Variants in PTPRM observed in about 807,000 individuals in gnomAD.
PTPRM encodes the protein receptor-type tyrosine-protein phosphatase mu.
Under a neutral mutation model 186.7 loss-of-function variants are expected in PTPRM, and 47 were observed. That is an observed-to-expected ratio of 0.25 (90% CI 0.20 to 0.32). The LOEUF (loss-of-function observed/expected upper bound fraction) is 0.32, where lower values mean the gene tolerates loss of function less well. Among genes scored for constraint, PTPRM ranks in the 10% least tolerant of loss-of-function variants. The pLI is 1.00. For missense variants in PTPRM, 1,494 were observed against 1,865.0 expected (o/e 0.80, Z 3.66); for synonymous variants, 668 against 674.9 (o/e 0.99, Z 0.16).
rs971423314 is a variant in PTPRM at position 7,809,302 on chromosome 18, C to A, written c.196+35031C>A. Among the ~76,000 whole-genome samples the A allele has an allele frequency of 3.3e-5, 5 of 152,266 alleles. No homozygotes were observed. The East Asian group carries it at 9.7e-4, about 29-fold the overall frequency. ...TCTATTTTCCATCTGCAAATAACAG[C>A]ACCTAGCTCATGAGTAGGGCTCCAT... On this transcript the variant is annotated intron_variant, in intron 2 of 32. Coordinates refer to ENST00000580170, the MANE Select transcript of PTPRM (RefSeq NM_001105244.2).
At chr18:8,402,659 G>A (rs2095878444) in intron 32 of PTPRM, among the ~76,000 whole-genome samples, 1 of 152,206 alleles carries the variant, frequency 6.6e-6, no homozygotes, top group African/African-American at 2.4e-5. Flanking sequence ...CATGATGGGA[G>A]CACTTCACAG....
At chr18:8,234,085 A>G (rs1337615330) in intron 14 of PTPRM, among the ~76,000 whole-genome samples, 3 of 152,142 alleles carry the variant, frequency 2.0e-5, no homozygotes, top group Non-Finnish European at 4.4e-5. Flanking sequence ...TCTAATCAGT[A>G]TTGTGTTGGC....
intron 1 of PTPRM, among the ~76,000 whole-genome samples, chr18:7,676,590 C>T (rs928596916): frequency 1.3e-5 from 2 of 151,978 alleles, no homozygotes; most frequent in Admixed American, 6.6e-5. Context: ...GTCCATGTCC[C>T]ACCAGGGCAG....
rs186641074 is a variant in PTPRM, at chr18:8,032,523, G to A, written c.1133-37163G>A. On this transcript the variant is annotated intron_variant, in intron 7 of 32. Coordinates refer to ENST00000580170, the MANE Select transcript of PTPRM (RefSeq NM_001105244.2). ...ATGGAGGAAGCCTTTATATTTTAGA[G>A]ATGTCAGTTCTCCCAAGAGTAATCT... 5.3e-5 allele frequency among the ~76,000 whole-genome samples: 8 copies of A among 152,170 alleles called. No homozygotes were observed. In the East Asian group the frequency reaches 1.5e-3, roughly 29 times the overall value.
intron 1 of PTPRM, among the ~76,000 whole-genome samples, chr18:7,665,225 A>G (rs1474079022): frequency 1.3e-5 from 2 of 152,200 alleles, no homozygotes; most frequent in Non-Finnish European, 2.9e-5. Flanking sequence ...GTATTTCGAT[A>G]GAAATGACAG....
chr18:7,691,821 G>A (rs567510801), intron 1 of PTPRM, among the ~76,000 whole-genome samples: 24 of 152,256 alleles, frequency 1.6e-4, no homozygotes, highest in Non-Finnish European at 2.6e-4. Flanking sequence ...CGTAGTCCAA[G>A]CTACTCAGGC....
rs183805723 is a variant in PTPRM, at chr18:8,266,629, G to A, written c.2754+13215G>A. Among the ~76,000 whole-genome samples the A allele has an allele frequency of 3.3e-4, 50 of 152,216 alleles. No individual in the cohort carries two copies. In the East Asian group the frequency reaches 6.2e-3, roughly 19 times the overall value. On this transcript the variant is annotated intron_variant, in intron 19 of 32. Transcript: ENST00000580170. ...CCATGATTGAAATATAATCAAATTG[G>A]CTGGATGCCACGGCTCATGCCTATA...
intron 1 of PTPRM, among the ~76,000 whole-genome samples, chr18:7,715,573 G>C (rs2144814031): frequency 6.6e-6 from 1 of 152,278 alleles, no homozygotes; most frequent in African/African-American, 2.4e-5. Flanking sequence ...AATTGTCTCT[G>C]TTTGCATATG....
chr18:8,319,164 T>A lies in PTPRM; in HGVS notation c.2920-14T>A. Reference sequence around the variant, plus strand: ...TTTTATGTTTATCAAATATTCTCTTTTATTTATTTTTAGGGTTATCATCGA... The same window carrying A: ...TTTTATGTTTATCAAATATTCTCTTATATTTATTTTTAGGGTTATCATCGA... On this transcript the variant is annotated splice_polypyrimidine_tract_variant and intron_variant, in intron 21 of 32. Transcript: ENST00000580170. The A allele has an allele frequency of 6.6e-7, 1 of 1,504,066 alleles. No individual in the cohort carries two copies. The highest frequency in any genetic ancestry group is 9.2e-7 in the Non-Finnish European group (1 of 1,086,746). The allele number at this position is 1,504,066 out of a possible 1,614,324, so 93.2% of individuals were successfully genotyped here.
chr18:8,338,371 T>TAA (rs1568777998), intron 22 of PTPRM, among the ~76,000 whole-genome samples: 1 of 7,896 alleles, frequency 1.3e-4, no homozygotes, highest in African/African-American at 1.9e-4. Context: ...ATTGTAATGC[T>TAA]TAAAAAAAAA....
chr18:8,289,585 TATAC>T (rs796709227), intron 19 of PTPRM, among the ~76,000 whole-genome samples: 7 of 102,278 alleles, frequency 6.8e-5, no homozygotes, highest in South Asian at 6.4e-4. Context: ...TACATATATA[TATAC>T]ACATATATAT....
chr18:8,239,902 CA>C (rs1461419429), intron 14 of PTPRM, among the ~76,000 whole-genome samples: 2 of 152,152 alleles, frequency 1.3e-5, no homozygotes, highest in Non-Finnish European at 2.9e-5. Flanking sequence ...GAGATTCATG[CA>C]GTGCAAGTTT....
chr18:8,386,067 G>C (rs554557412), intron 30 of PTPRM, among the ~76,000 whole-genome samples: 1 of 152,134 alleles, frequency 6.6e-6, no homozygotes, highest in Non-Finnish European at 1.5e-5. Flanking sequence ...CAGGCTGCCC[G>C]TGTAACCGGA....
chr18:8,163,025 C>G (rs1257020285), intron 14 of PTPRM, among the ~76,000 whole-genome samples: 1 of 152,190 alleles, frequency 6.6e-6, no homozygotes, highest in Non-Finnish European at 1.5e-5. Flanking sequence ...CGCCTTCCTG[C>G]AACCAGTGTC....
At chr18:7,659,607 A>T (rs992666303) in intron 1 of PTPRM, among the ~76,000 whole-genome samples, 2 of 152,216 alleles carry the variant, frequency 1.3e-5, no homozygotes, top group African/African-American at 4.8e-5. Context: ...TGCTCAGTAA[A>T]CAGCAGTTGG....
At chr18:8,299,390 C>G (rs1194247065) in intron 20 of PTPRM, among the ~76,000 whole-genome samples, 1 of 152,062 alleles carries the variant, frequency 6.6e-6, no homozygotes, top group African/African-American at 2.4e-5. Flanking sequence ...AGCTTGAGAC[C>G]AACCTGGCAA....
intron 1 of PTPRM, among the ~76,000 whole-genome samples, chr18:7,645,502 T>TA (rs1480744070): frequency 6.6e-6 from 1 of 150,814 alleles, no homozygotes; most frequent in Non-Finnish European, 1.5e-5. Context: ...CTTATAAAAA[T>TA]AAAAAAAGTC....
chr18:7,748,769 T>C (rs967922458), intron 1 of PTPRM, among the ~76,000 whole-genome samples: 7 of 152,148 alleles, frequency 4.6e-5, no homozygotes, highest in African/African-American at 1.7e-4. Flanking sequence ...TCCTTGCCAC[T>C]TTTAAACAAT....
At chr18:8,094,204 T>G (rs2090901558) in intron 11 of PTPRM, among the ~76,000 whole-genome samples, 1 of 152,138 alleles carries the variant, frequency 6.6e-6, no homozygotes, top group South Asian at 2.1e-4. Flanking sequence ...ATGCAAAGTT[T>G]ACCTTAAGAT....
Sources: allele counts gnomAD v4.1 joint callset (sites outside exome capture counted in the v4.1 genomes callset), GRCh38; gene constraint gnomAD v4.1.1; transcripts MANE v1.5; gene names NCBI Gene and HGNC (gene_info 2026-07-23, HGNC 2026-07-21).